Variants in AHCYL2 observed in about 807,000 individuals in gnomAD.
AHCYL2 encodes the protein adenosylhomocysteinase like 2, also known as S-adenosylhomocysteine hydrolase-like protein 2.
Under a neutral mutation model 81.4 loss-of-function variants are expected in AHCYL2, and 28 were observed. That is an observed-to-expected ratio of 0.34 (90% confidence interval 0.25 to 0.47). The LOEUF (loss-of-function observed/expected upper bound fraction) is 0.47, where lower values mean the gene tolerates loss of function less well. Ranked by LOEUF, AHCYL2 falls within the 20% of genes least tolerant of loss-of-function variation. AHCYL2 has a pLI of 1.00. For missense variants in AHCYL2, 551 were observed against 785.1 expected, an observed-to-expected ratio of 0.70 and a Z score of 3.56; for synonymous variants, 272 against 290.2, an observed-to-expected ratio of 0.94 and a Z score of 0.64.
Position 129,397,339 on chromosome 7 carries a change from T to A in AHCYL2, c.823+15T>A. 1.2e-6 allele frequency: 2 copies of A among 1,611,018 alleles called. No homozygotes were observed. Among genetic ancestry groups the A allele is most frequent in the Non-Finnish European group, 1.7e-6 (2 of 1,178,542 alleles). ...AGCAGAAAGTGGTAAGAGCTTATTCTCTGTGCCTTTGGCTAAAGTAAGTCT... is the reference window on the plus strand; with the variant it reads ...AGCAGAAAGTGGTAAGAGCTTATTCACTGTGCCTTTGGCTAAAGTAAGTCT... On this transcript the variant is annotated intron_variant, in intron 5 of 16. Coordinates refer to ENST00000325006, the MANE Select transcript of AHCYL2 (RefSeq NM_015328.4).
chr7:129,296,517 TG>T (rs1377495434), intron 1 of AHCYL2, among the ~76,000 whole-genome samples: 3 of 152,110 alleles, frequency 2.0e-5, no homozygotes, highest in Non-Finnish European at 4.4e-5. Flanking sequence ...AAGACCAGCC[TG>T]GGCAACATAC....
chr7:129,364,474 A>G (rs150875201), intron 1 of AHCYL2, among the ~76,000 whole-genome samples: 1,683 of 152,158 alleles, frequency 0.011, 16 homozygotes, highest in Non-Finnish European at 0.017. Context: ...CATTTTTAGT[A>G]GAGACGGGGT....
chr7:129,319,191 C>T lies in AHCYL2; in HGVS notation c.364-60447C>T, dbSNP rs1210165717. Among the ~76,000 whole-genome samples, 3 of 152,130 alleles carry T rather than the reference C, an allele frequency of 2.0e-5. No homozygotes were observed. The East Asian group carries it at 5.8e-4, about 29-fold the overall frequency. On this transcript the variant is annotated intron_variant, in intron 1 of 16. Coordinates refer to ENST00000325006, the MANE Select transcript of AHCYL2 (RefSeq NM_015328.4). Reference sequence around the variant, plus strand: ...TAAACACAGGCTGGGCACAGTGGCTCACACCTGTAATCCCAGCACTTTGGG... The same window carrying T: ...TAAACACAGGCTGGGCACAGTGGCTTACACCTGTAATCCCAGCACTTTGGG...
chr7:129,298,055 T>G (rs1797115126), intron 1 of AHCYL2, among the ~76,000 whole-genome samples: 1 of 152,118 alleles, frequency 6.6e-6, no homozygotes, highest in African/African-American at 2.4e-5. Flanking sequence ...CCTGCTGAAA[T>G]AGTCATTCCC....
intron 1 of AHCYL2, among the ~76,000 whole-genome samples, chr7:129,267,414 C>T (rs1347416605): frequency 6.6e-6 from 1 of 152,124 alleles, no homozygotes; most frequent in Non-Finnish European, 1.5e-5. Context: ...AAGCGAGTCT[C>T]CTGCCTCAGC....
intron 1 of AHCYL2, among the ~76,000 whole-genome samples, chr7:129,296,970 TG>T (rs928020149): frequency 6.6e-6 from 1 of 152,210 alleles, no homozygotes; most frequent in African/African-American, 2.4e-5. Flanking sequence ...TACCCTTGCT[TG>T]GTGAGTTAGA....
chr7:129,341,375 T>C (rs1439431119), intron 1 of AHCYL2, among the ~76,000 whole-genome samples: 1 of 152,136 alleles, frequency 6.6e-6, no homozygotes, highest in Non-Finnish European at 1.5e-5. Context: ...AGGCTTTTTA[T>C]CTCCTTCCTG....
At chr7:129,309,596 G>T (rs548516649) in intron 1 of AHCYL2, among the ~76,000 whole-genome samples, 1 of 152,280 alleles carries the variant, frequency 6.6e-6, no homozygotes, top group African/African-American at 2.4e-5. Flanking sequence ...CATCATTTTA[G>T]TTTGTCACAT....
intron 2 of AHCYL2, 114 bp from the exon 3 acceptor site, chr7:129,388,942 T>TA: frequency 2.4e-6 from 3 of 1,264,686 alleles, no homozygotes; most frequent in Middle Eastern, 2.3e-4. Context: ...TTAACAGAGG[T>TA]AAAAAAATTT....
chr7:129,292,028 A>C (rs779752152), intron 1 of AHCYL2, among the ~76,000 whole-genome samples: 1 of 152,168 alleles, frequency 6.6e-6, no homozygotes, highest in Admixed American at 6.6e-5. Flanking sequence ...TAAGACAAAC[A>C]ATTATGAAGT....
intron 1 of AHCYL2, among the ~76,000 whole-genome samples, chr7:129,240,837 C>T (rs962071610): frequency 2.6e-5 from 4 of 151,840 alleles, no homozygotes; most frequent in East Asian, 3.9e-4. Context: ...TGCGTGGGAC[C>T]GAGGAATGTA....
chr7:129,239,011 A>AT (rs563545137), intron 1 of AHCYL2, among the ~76,000 whole-genome samples: 90 of 142,572 alleles, frequency 6.3e-4, no homozygotes, highest in African/African-American at 2.2e-3. Flanking sequence ...AGAAATTCAC[A>AT]TTTTTGTGCA....
At chr7:129,415,964 G>A (rs928118772) in intron 12 of AHCYL2, among the ~76,000 whole-genome samples, 4 of 152,068 alleles carry the variant, frequency 2.6e-5, no homozygotes, top group East Asian at 1.9e-4. Context: ...GCTGGAACCC[G>A]GGAGGCTGAG....
intron 1 of AHCYL2, among the ~76,000 whole-genome samples, chr7:129,272,516 G>A (rs1317911759): frequency 6.6e-6 from 1 of 152,212 alleles, no homozygotes; most frequent in Non-Finnish European, 1.5e-5. Context: ...TTGGAATTTG[G>A]TGAGGGTTAA....
chr7:129,427,084 C>T lies in AHCYL2; in HGVS notation c.*39C>T, dbSNP rs1797397447. On this transcript the variant is annotated 3_prime_UTR_variant, in exon 17 of 17. Transcript: ENST00000325006. This position sits in a 1 kb window ranked among gnomAD's most constrained non-coding sequence, Gnocchi z 5.5. The stretch of plus-strand genomic sequence containing the variant: ...AAACCAGAATTTTTAAGGAATAGAA[C>T]TCCAAGCCTTTTCTCCACTACTATA... 1 of 1,580,050 alleles carries T rather than the reference C, an allele frequency of 6.3e-7. No homozygotes were observed. The highest frequency in any genetic ancestry group is 8.7e-7 in the Non-Finnish European group (1 of 1,149,920).
intron 1 of AHCYL2, among the ~76,000 whole-genome samples, chr7:129,227,500 C>A (rs1291502669): frequency 4.7e-5 from 7 of 147,580 alleles, no homozygotes; most frequent in Non-Finnish European, 1.0e-4. Flanking sequence ...GTGGTGTGTG[C>A]CTATAGTCCC....
intron 13 of AHCYL2, among the ~76,000 whole-genome samples, chr7:129,424,268 C>A (rs915619168): frequency 6.6e-6 from 1 of 151,118 alleles, no homozygotes; most frequent in Admixed American, 6.6e-5. Flanking sequence ...GGCATGGTGG[C>A]GCACACCTGT....
chr7:129,352,206 G>T (rs556088766), intron 1 of AHCYL2, among the ~76,000 whole-genome samples: 1 of 152,156 alleles, frequency 6.6e-6, no homozygotes, highest in South Asian at 2.1e-4. Context: ...AGAGACCATG[G>T]TTATTCAGGT....
At position 129,301,451 on chromosome 7, in the gene AHCYL2, G is replaced by A. The variant is rs1160539982; in HGVS notation, c.363+76012G>A. Among the ~76,000 whole-genome samples, 3 of 152,136 alleles carry A rather than the reference G, an allele frequency of 2.0e-5. No individual in the cohort carries two copies. The South Asian group carries it at 6.2e-4, about 32-fold the overall frequency. ...AATCTTTGCCCACTCCAATGTCCTG[G>A]AGAGTTTCCCCAATGTTTTCTTTTG... On this transcript the variant is annotated intron_variant, in intron 1 of 16. Coordinates refer to ENST00000325006, the MANE Select transcript of AHCYL2 (RefSeq NM_015328.4).
Sources: gnomAD v4.1 joint callset for allele counts (sites outside exome capture counted in the v4.1 genomes callset) on GRCh38, gnomAD v4.1.1 for gene constraint, Gnocchi (gnomAD v3.1) non-coding constraint, MANE v1.5 for transcripts, NCBI Gene and HGNC (gene_info 2026-07-23, HGNC 2026-07-21) for gene names.